Variants in ZNF770 observed in about 807,000 individuals in gnomAD.
The protein encoded by ZNF770 is zinc finger protein 770.
ZNF770 carries 13 observed loss-of-function variants against 44.8 expected under a neutral mutation model. The ratio of observed to expected loss-of-function variants is 0.29; its 90% confidence interval spans 0.19 to 0.46. The LOEUF (loss-of-function observed/expected upper bound fraction) is 0.46, where lower values mean the gene tolerates loss of function less well. Among genes scored for constraint, ZNF770 ranks in the 20% least tolerant of loss-of-function variants. The pLI, the probability that ZNF770 is intolerant of heterozygous loss-of-function variation, is 1.00. For missense variants in ZNF770, 681 were observed against 797.9 expected (o/e 0.85, Z 1.77); for synonymous variants, 304 against 271.8 (o/e 1.12, Z -1.17).
In ZNF770 at chr15:34,984,649, CA is replaced by C. The variant is rs77322907; in HGVS notation, c.-56-1160del. 5.7e-3 allele frequency among the ~76,000 whole-genome samples: 673 copies of C among 117,478 alleles called. 4 individuals are homozygous for C. Among genetic ancestry groups the C allele is most frequent in the African/African-American group, 0.012 (380 of 31,208 alleles). 77.1% of individuals were successfully genotyped at this position (117,478 alleles called of 152,430 possible). ...ATCCAGCCTGGGTGAGAATCCATCT[CA>C]AAAAAAAAAAAAAAATTCTCCTTTT... is the stretch of plus-strand genomic sequence containing the variant. On this transcript the variant is annotated intron_variant, in intron 2 of 2. Transcript: ENST00000356321.
rs1327869250 is a variant in ZNF770, at chr15:34,979,628, GAAGC to G, written c.*1727_*1730del. The G allele has an allele frequency of 2.2e-6, 1 of 451,040 alleles. No homozygotes were observed. Among genetic ancestry groups the G allele is most frequent in the African/African-American group, 2.0e-5 (1 of 49,736 alleles). 27.9% of individuals were successfully genotyped at this position (451,040 alleles called of 1,614,324 possible). ...TACTTAAAAATCACCTGTGGTAAAA[GAAGC>G]AAGCAGATCACCCCCACCTACTATC... On this transcript the variant is annotated 3_prime_UTR_variant, in exon 3 of 3. Transcript: ENST00000356321.
chr15:34,981,602 G>A lies in ZNF770; in HGVS notation c.1833C>T (p.Cys611=), dbSNP rs774048317. 2.5e-6 allele frequency: 4 copies of A among 1,614,114 alleles called. No individual in the cohort carries two copies. Among genetic ancestry groups the A allele is most frequent in the Non-Finnish European group, 3.4e-6 (4 of 1,180,018 alleles). The change falls in exon 3 of 3, where the codon TGC becomes TGT. Residue 611 remains cysteine, a synonymous_variant. Transcript: ENST00000356321. The part of the protein sequence containing the change: ...LLESEQSNPF[C]SYSEHQEKND... ...TTTTCTCCTGATGCTCTGAATAACT[G>A]CAAAAAGGATTGCTTTGCTCTGATT...
chr15:34,981,766 C>A lies in ZNF770; in HGVS notation c.1669G>T (p.Ala557Ser). The A allele has an allele frequency of 3.1e-6, 5 of 1,614,086 alleles. No homozygotes were observed. The highest frequency in any genetic ancestry group is 4.2e-6 in the Non-Finnish European group (5 of 1,180,036). The change falls in exon 3 of 3, where the codon GCT (alanine) becomes TCT (serine). Residue 557 changes from alanine to serine, a missense_variant. Ala to Ser is a moderately conservative substitution (Grantham distance 99). Around this residue, in one of 5 missense-constraint regions of ZNF770, gnomAD observed 148 missense variants for 191.0 expected, o/e 0.77. Transcript: ENST00000356321. ...CCAGGAGCCTGACATTGTTGGGAAG[C>A]ATTATAGTTAACATTATTACCTGAA... ...NHSGNNVNYN[A>S]SQQCQAPGVQ...
rs1167053959 is a variant in ZNF770 at position 34,979,378 on chromosome 15, A to G, written c.*1981T>C. 2.4e-5 allele frequency: 4 copies of G among 166,174 alleles called. No homozygotes were observed. 10.3% of individuals were successfully genotyped at this position (166,174 alleles called of 1,614,324 possible). A position where few individuals can be genotyped will look rare whatever the true frequency, so the allele number is the denominator to read the frequency against. On this transcript the variant is annotated 3_prime_UTR_variant, in exon 3 of 3. Transcript: ENST00000356321. The stretch of plus-strand genomic sequence containing the variant: ...ACTAGTTATTCCTTGCTTTTAACAG[A>G]TGAGTTCTTGACAAGTTTTGTGTAA...
In ZNF770 at chr15:34,982,377, T is replaced by C. The variant is rs757588697; in HGVS notation, c.1058A>G (p.Asn353Ser). The C allele has an allele frequency of 3.1e-6, 5 of 1,608,858 alleles. No individual in the cohort carries two copies. The South Asian group carries it at 5.6e-5, about 18-fold the overall frequency. The change falls in exon 3 of 3, where the codon AAC (asparagine) becomes AGC (serine). Residue 353 changes from asparagine to serine, a missense_variant. Asn to Ser is a conservative substitution (Grantham distance 46). Transcript: ENST00000356321. ...LKRARSKKLD[N>S]FQSEKKVFKK... is the part of the protein sequence containing the mutation. ...AAATACTTTTTTCTCAGATTGAAAG[T>C]TATCTAATTTTTTACTCCTAGCACG... is the stretch of plus-strand genomic sequence containing the variant.
In ZNF770 at chr15:34,981,333, C is replaced by A; in HGVS notation, c.*26G>T. 1 of 1,581,046 alleles carries A rather than the reference C, an allele frequency of 6.3e-7. No homozygotes were observed. The highest frequency in any genetic ancestry group is 8.6e-7 in the Non-Finnish European group (1 of 1,168,818). ...GCTTTAAAAATAAGATCACCAGAGA[C>A]CACAATTGTTAGTGGTTGCGACAAT... On this transcript the variant is annotated 3_prime_UTR_variant, in exon 3 of 3. Transcript: ENST00000356321.
In ZNF770 at chr15:34,981,606, A is replaced by G. The variant is rs1375597474; in HGVS notation, c.1829T>C (p.Phe610Ser). The G allele has an allele frequency of 1.9e-6, 3 of 1,614,168 alleles. No individual in the cohort carries two copies. The Admixed American group carries it at 5.0e-5, about 27-fold the overall frequency. ...CTCCTGATGCTCTGAATAACTGCAA[A>G]AAGGATTGCTTTGCTCTGATTCCAA... ...VLLESEQSNP[F>S]CSYSEHQEKN... The change falls in exon 3 of 3, where the codon TTT becomes TCT. Residue 610 changes from phenylalanine (F) to serine (S), a missense_variant. Physicochemically the swap from Phe to Ser is radical, Grantham distance 155 (BLOSUM62 -2). Around this residue, in one of 5 missense-constraint regions of ZNF770, gnomAD observed 148 missense variants for 191.0 expected, o/e 0.77. Transcript: ENST00000356321.
chr15:34,982,656 G>A lies in ZNF770; in HGVS notation c.779C>T (p.Pro260Leu). 1 of 1,612,728 alleles carries A rather than the reference G, an allele frequency of 6.2e-7. No individual in the cohort carries two copies. The highest frequency in any genetic ancestry group is 1.3e-5 in the African/African-American group (1 of 75,006). The stretch of plus-strand genomic sequence containing the variant: ...ACCCTGATTTGCATTTAACTTATTA[G>A]GCAGGGGGCGAGATTCTGTACGCCT... Reference protein sequence around the residue: ...KKRRTESRPLPNKLNANQGGF... With the variant: ...KKRRTESRPLLNKLNANQGGF... The change falls in exon 3 of 3, where the codon CCT (proline) becomes CTT (leucine). Residue 260 changes from proline (P) to leucine (L), a missense_variant. Coordinates refer to ENST00000356321, the MANE Select transcript of ZNF770 (RefSeq NM_014106.4).
At position 34,979,906 on chromosome 15, in the gene ZNF770, T is replaced by C; in HGVS notation, c.*1453A>G. The C allele has an allele frequency of 3.5e-6, 1 of 287,736 alleles. No homozygotes were observed. Among genetic ancestry groups the C allele is most frequent in the Non-Finnish European group, 6.8e-6 (1 of 148,088 alleles). 17.8% of individuals were successfully genotyped at this position (287,736 alleles called of 1,614,324 possible). A position where few individuals can be genotyped will look rare whatever the true frequency, so the allele number is the denominator to read the frequency against. ...GGAAAATTTGTAATTATGAAATAAG[T>C]CCTTTGTAGTAAAGAATATTTCCCA... On this transcript the variant is annotated 3_prime_UTR_variant, in exon 3 of 3. Transcript: ENST00000356321.
chr15:34,981,742 C>T lies in ZNF770; in HGVS notation c.1693G>A (p.Gly565Ser), dbSNP rs145030924. The change falls in exon 3 of 3, where the codon GGT (glycine) becomes AGT (serine). Residue 565 changes from glycine to serine, a missense_variant. Around this residue, in one of 5 missense-constraint regions of ZNF770, gnomAD observed 148 missense variants for 191.0 expected, o/e 0.77. Coordinates refer to ENST00000356321, the MANE Select transcript of ZNF770 (RefSeq NM_014106.4). ...YNASQQCQAP[G>S]VQKYEVSESD... ...TCTGAGACCTCGTATTTTTGAACAC[C>T]AGGAGCCTGACATTGTTGGGAAGCA... 3.7e-6 allele frequency: 6 copies of T among 1,613,908 alleles called. No individual in the cohort carries two copies. Among genetic ancestry groups the T allele is most frequent in the Non-Finnish European group, 5.1e-6 (6 of 1,180,018 alleles).
rs1595375718 is a variant in ZNF770 at position 34,988,099 on chromosome 15, C to CT, written c.-174+16dup. ...GAACTGAGGTTGTGGAGCCCCCGTT[C>CT]TTGGGTCCCCAGGCACCTTGGCGGT... is the stretch of plus-strand genomic sequence containing the variant. On this transcript the variant is annotated intron_variant, in intron 1 of 2. Coordinates refer to ENST00000356321, the MANE Select transcript of ZNF770 (RefSeq NM_014106.4). The CT allele has an allele frequency of 6.6e-6, 1 of 152,292 alleles. No homozygotes were observed. The highest frequency in any genetic ancestry group is 2.4e-5 in the African/African-American group (1 of 41,478). 9.4% of individuals were successfully genotyped at this position (152,292 alleles called of 1,614,324 possible).
chr15:34,983,131 G>C lies in ZNF770; in HGVS notation c.304C>G (p.Leu102Val). 1 of 1,614,022 alleles carries C rather than the reference G, an allele frequency of 6.2e-7. No individual in the cohort carries two copies. The highest frequency in any genetic ancestry group is 8.5e-7 in the Non-Finnish European group (1 of 1,179,984). Residue 102 changes from leucine to valine, a missense_variant, in exon 3 of 3, where the codon CTT becomes GTT. Leu to Val is a conservative substitution (Grantham distance 32). Transcript: ENST00000356321. The part of the protein sequence containing the change: ...NLKTFVKHQQ[L>V]HNETYQNNVK... ...TTATTCTGATAGGTTTCATTGTGAA[G>C]TTGTTGGTGCTTCACAAATGTCTTC...
Position 34,982,658 on chromosome 15 carries a change from C to A in ZNF770, c.777G>T (p.Leu259=). 6.2e-7 allele frequency: 1 copy of A among 1,612,706 alleles called. No homozygotes were observed. The highest frequency in any genetic ancestry group is 1.1e-5 in the South Asian group (1 of 91,014). Residue 259 remains leucine, a synonymous_variant, in exon 3 of 3, where the codon CTG becomes CTT. Coordinates refer to ENST00000356321, the MANE Select transcript of ZNF770 (RefSeq NM_014106.4). ...LKKRRTESRP[L]PNKLNANQGG... is the part of the protein sequence containing the mutation. ...CCTGATTTGCATTTAACTTATTAGGCAGGGGGCGAGATTCTGTACGCCTCT... is the reference window on the plus strand; with the variant it reads ...CCTGATTTGCATTTAACTTATTAGGAAGGGGGCGAGATTCTGTACGCCTCT...
rs747366495 is a variant in ZNF770, at chr15:34,982,271, A to G, written c.1164T>C (p.Ser388=). Residue 388 remains serine, a synonymous_variant, in exon 3 of 3, where the codon TCT becomes TCC. Transcript: ENST00000356321. ...TTTTATATGTTCCATGTTTGCCAAG[A>G]GAACCCACAAATGTTCTCTGGGTTT... The part of the protein sequence containing the change: ...SEQTQRTFVG[S]LGKHGTYKTI... The G allele has an allele frequency of 3.1e-6, 5 of 1,613,942 alleles. No individual in the cohort carries two copies. In the Admixed American group the frequency reaches 8.3e-5, roughly 27 times the overall value.
intron 2 of ZNF770, among the ~76,000 whole-genome samples, chr15:34,986,158 T>C (rs1363974247): frequency 1.3e-5 from 2 of 152,100 alleles, no homozygotes; most frequent in African/African-American, 2.4e-5. Context: ...ACAAGATTAC[T>C]AAAGAAAGCA....
At position 34,982,394 on chromosome 15, in the gene ZNF770, C is replaced by A. The variant is rs747561431; in HGVS notation, c.1041G>T (p.Arg347Ser). 6.2e-7 allele frequency: 1 copy of A among 1,612,390 alleles called. No homozygotes were observed. The highest frequency in any genetic ancestry group is 1.1e-5 in the South Asian group (1 of 90,806). Residue 347 changes from arginine to serine, a missense_variant, in exon 3 of 3, where the codon AGG (arginine) becomes AGT (serine). By Grantham distance (110) the Arg-to-Ser change is moderately radical (BLOSUM62 -1). Coordinates refer to ENST00000356321, the MANE Select transcript of ZNF770 (RefSeq NM_014106.4). ...KKILAKLKRARSKKLDNFQSE... is the reference protein window; with the variant it reads ...KKILAKLKRASSKKLDNFQSE... ...ATTGAAAGTTATCTAATTTTTTACT[C>A]CTAGCACGCTTAAGCTTGGCCAAGA...
In ZNF770 at chr15:34,982,564, T is replaced by C. The variant is rs2050409648; in HGVS notation, c.871A>G (p.Ile291Val). The C allele has an allele frequency of 6.2e-7, 1 of 1,613,846 alleles. No individual in the cohort carries two copies. The highest frequency in any genetic ancestry group is 1.3e-5 in the African/African-American group (1 of 74,926). The change falls in exon 3 of 3, where the codon ATT (isoleucine) becomes GTT (valine). Residue 291 changes from isoleucine (I) to valine (V), a missense_variant. Ile to Val is a conservative substitution (Grantham distance 29). Coordinates refer to ENST00000356321, the MANE Select transcript of ZNF770 (RefSeq NM_014106.4). ...NNPLDVHSIY[I>V]VPFQCPKCEK... The stretch of plus-strand genomic sequence containing the variant: ...CACTTTGGACATTGAAAAGGGACAA[T>C]ATAAATTGAGTGGACATCAAGTGGA...
rs150396273 is a variant in ZNF770, at chr15:34,981,965, T to C, written c.1470A>G (p.Leu490=). Residue 490 remains leucine (L), a synonymous_variant, in exon 3 of 3, where the codon CTA becomes CTG. Coordinates refer to ENST00000356321, the MANE Select transcript of ZNF770 (RefSeq NM_014106.4). ...CEKVFPSISK[L]KRHYLIHTGQ... ...CAGTATGAATTAAATAGTGTCTTTT[T>C]AGTTTGGATATAGAAGGAAATACCT... The C allele has an allele frequency of 1.3e-4, 210 of 1,614,000 alleles. No homozygotes were observed. The highest frequency in any genetic ancestry group is 8.2e-4 in the Middle Eastern group (5 of 6,062).
chr15:34,983,185 T>C lies in ZNF770; in HGVS notation c.250A>G (p.Ser84Gly), dbSNP rs765143704. ...QLTHSLPFKC[S>G]ICQRHFKNLK... ...TTTTTAAAGTGACGCTGACAAATAC[T>C]ACATTTAAAAGGCAGACTATGAGTT... The change falls in exon 3 of 3, where the codon AGT becomes GGT. Residue 84 changes from serine (S) to glycine (G), a missense_variant. Physicochemically the swap from Ser to Gly is moderately conservative, Grantham distance 56 (BLOSUM62 0). Coordinates refer to ENST00000356321, the MANE Select transcript of ZNF770 (RefSeq NM_014106.4). 11 of 1,613,720 alleles carry C rather than the reference T, an allele frequency of 6.8e-6. No individual in the cohort carries two copies. The Admixed American group carries it at 1.7e-4, about 24-fold the overall frequency.
Sources: gnomAD v4.1 joint callset for allele counts (sites outside exome capture counted in the v4.1 genomes callset) on GRCh38, gnomAD v4.1.1 for gene constraint, gnomAD v4.1.1 regional missense constraint, MANE v1.5 for transcripts, NCBI Gene and HGNC (gene_info 2026-07-23, HGNC 2026-07-21) for gene names.